Variants in SDC2 observed in about 807,000 individuals in gnomAD.
SDC2 encodes syndecan-2.
SDC2 carries 13 observed loss-of-function variants against 22.2 expected under a neutral mutation model. That is an observed-to-expected ratio of 0.59 (90% CI 0.38 to 0.93). SDC2 has a LOEUF of 0.93. Among genes scored for constraint, SDC2 ranks in the 40% least tolerant of loss-of-function variants. The pLI, the probability that SDC2 is intolerant of heterozygous loss-of-function variation, is 0.00. For synonymous variants in SDC2, 94 were observed against 92.8 expected (o/e 1.01, Z -0.07); for missense variants, 235 against 246.8 (o/e 0.95, Z 0.32).
chr8:96,605,513 GCTTTA>G (rs1815062507), intron 3 of SDC2, among the ~76,000 whole-genome samples: 1 of 152,160 alleles, frequency 6.6e-6, no homozygotes, highest in Admixed American at 6.5e-5. Flanking sequence ...GCTCTCTTCT[GCTTTA>G]CTTTGGTACC....
intron 1 of SDC2, among the ~76,000 whole-genome samples, chr8:96,526,830 A>G (rs1813586211): frequency 1.3e-5 from 2 of 152,174 alleles, no homozygotes; most frequent in South Asian, 4.1e-4. Flanking sequence ...TTGGTAGAAC[A>G]AGGCCAGTGG....
chr8:96,564,235 T>G (rs1448830152), intron 1 of SDC2, among the ~76,000 whole-genome samples: 1 of 152,186 alleles, frequency 6.6e-6, no homozygotes, highest in Non-Finnish European at 1.5e-5. Context: ...GTCAACCACC[T>G]GTATCATTAG....
chr8:96,580,038 A>G (rs1428941804), intron 1 of SDC2, among the ~76,000 whole-genome samples: 1 of 152,234 alleles, frequency 6.6e-6, no homozygotes, highest in East Asian at 1.9e-4. Context: ...AAGGATTTAA[A>G]AAGAACAATC....
At chr8:96,557,708 T>G (rs948049799) in intron 1 of SDC2, among the ~76,000 whole-genome samples, 1 of 152,024 alleles carries the variant, frequency 6.6e-6, no homozygotes, top group Non-Finnish European at 1.5e-5. Flanking sequence ...CGCACCAGCA[T>G]GGCACATGTA....
intron 1 of SDC2, chr8:96,584,968 C>T (rs1814657625): frequency 1.3e-5 from 2 of 152,116 alleles, no homozygotes; most frequent in South Asian, 4.1e-4. Context: ...GGTTGCTTCC[C>T]TTCTGTCTCT....
At chr8:96,560,211 G>A (rs999940584) in intron 1 of SDC2, among the ~76,000 whole-genome samples, 2 of 151,980 alleles carry the variant, frequency 1.3e-5, no homozygotes, top group Admixed American at 6.6e-5. Flanking sequence ...AGTTCAATTG[G>A]TATCTTTCTA....
intron 1 of SDC2, among the ~76,000 whole-genome samples, chr8:96,494,696 G>C (rs2130405279): frequency 6.6e-6 from 1 of 152,214 alleles, no homozygotes; most frequent in South Asian, 2.1e-4. Context: ...GGTCGGGCCC[G>C]CGAGGGAACG....
At chr8:96,543,244 A>G (rs1563655352) in intron 1 of SDC2, among the ~76,000 whole-genome samples, 1 of 152,240 alleles carries the variant, frequency 6.6e-6, no homozygotes, top group Admixed American at 6.5e-5. Flanking sequence ...GCTAAAGACA[A>G]AAGACTTTAA....
intron 1 of SDC2, among the ~76,000 whole-genome samples, chr8:96,533,023 A>G (rs898940904): frequency 6.6e-6 from 1 of 152,174 alleles, no homozygotes; most frequent in Non-Finnish European, 1.5e-5. Context: ...TCTTAAAGGC[A>G]GCGTGTCCAG....
At chr8:96,533,102 G>A (rs1813693209) in intron 1 of SDC2, among the ~76,000 whole-genome samples, 1 of 152,170 alleles carries the variant, frequency 6.6e-6, no homozygotes, top group Admixed American at 6.5e-5. Context: ...GGTCTCGCTG[G>A]CTTCAGGAGT....
At chr8:96,541,503 C>CAAA (rs201996850) in intron 1 of SDC2, among the ~76,000 whole-genome samples, 16 of 103,266 alleles carry the variant, frequency 1.5e-4, no homozygotes, top group African/African-American at 5.7e-4. Context: ...AAGCCCATCT[C>CAAA]AAAAAAAAAA....
chr8:96,530,861 G>C (rs880077), intron 1 of SDC2, among the ~76,000 whole-genome samples: 1 of 152,052 alleles, frequency 6.6e-6, no homozygotes, highest in Non-Finnish European at 1.5e-5. Flanking sequence ...TTAAAATCTC[G>C]GGAAGACTGA....
intron 1 of SDC2, among the ~76,000 whole-genome samples, chr8:96,505,870 T>C (rs1330578269): frequency 6.6e-6 from 1 of 152,210 alleles, no homozygotes; most frequent in Non-Finnish European, 1.5e-5. Context: ...AATTATGACA[T>C]GGTACTCACC....
At chr8:96,576,384 G>GTTGT (rs1814499522) in intron 1 of SDC2, among the ~76,000 whole-genome samples, 2 of 50,962 alleles carry the variant, frequency 3.9e-5, no homozygotes, top group African/African-American at 1.6e-4. Context: ...GTTTTGTTTT[G>GTTGT]TTTTTTTTTA....
intron 1 of SDC2, among the ~76,000 whole-genome samples, chr8:96,540,546 G>A (rs968381932): frequency 6.6e-6 from 1 of 150,882 alleles, no homozygotes; most frequent in African/African-American, 2.4e-5. Flanking sequence ...CTTCAGTTGG[G>A]CCTGCCTCTG....
chr8:96,507,395 C>T (rs182313171), intron 1 of SDC2, among the ~76,000 whole-genome samples: 146 of 152,320 alleles, frequency 9.6e-4, no homozygotes, highest in African/African-American at 3.2e-3. Context: ...CATTTAGCAT[C>T]AGTGTGGTTA....
In SDC2 at chr8:96,493,968, C is replaced by CAGCAGAGCA; in HGVS notation, c.-301_-293dup. On this transcript the variant is annotated 5_prime_UTR_variant, in exon 1 of 5. Transcript: ENST00000302190. ...AGGAGTCCGCGGAGGAGCAAAACCA[C>CAGCAGAGCA]AGCAGAGCAAGAAGAGCTTCAGAGA... 1 of 457,424 alleles carries CAGCAGAGCA rather than the reference C, an allele frequency of 2.2e-6. No homozygotes were observed. Among genetic ancestry groups the CAGCAGAGCA allele is most frequent in the East Asian group, 4.1e-5 (1 of 24,416 alleles). The allele number at this position is 457,424 out of a possible 1,614,324, so 28.3% of individuals were successfully genotyped here.
At chr8:96,552,171 T>C (rs1341784801) in intron 1 of SDC2, among the ~76,000 whole-genome samples, 1 of 152,076 alleles carries the variant, frequency 6.6e-6, no homozygotes, top group African/African-American at 2.4e-5. Flanking sequence ...CTTGTTTGAG[T>C]TAATATCTCA....
chr8:96,600,926 T>G (rs1814971052), intron 2 of SDC2, among the ~76,000 whole-genome samples: 1 of 152,202 alleles, frequency 6.6e-6, no homozygotes, highest in South Asian at 2.1e-4. Context: ...AACTCATCAT[T>G]TATTGACATT....
Sources: allele counts gnomAD v4.1 joint callset (sites outside exome capture counted in the v4.1 genomes callset), GRCh38; gene constraint gnomAD v4.1.1; transcripts MANE v1.5; gene names NCBI Gene and HGNC (gene_info 2026-07-23, HGNC 2026-07-21).